The following NFATC1 variants were observed in gnomAD, a reference collection of about 807,000 sequenced individuals.
NFATC1 encodes the protein nuclear factor of activated T-cells, cytoplasmic 1.
Under a neutral mutation model 76.0 loss-of-function variants are expected in NFATC1, and 22 were observed. The observed-to-expected ratio is 0.29, with a 90% CI of 0.21 to 0.41. NFATC1 has a LOEUF of 0.41. Ranked by LOEUF, NFATC1 falls within the 10% of genes least tolerant of loss-of-function variation. The pLI is 1.00. For missense variants in NFATC1, 1,357 were observed against 1,337.7 expected, an observed-to-expected ratio of 1.01 and a Z score of -0.23; for synonymous variants, 704 against 613.1, an observed-to-expected ratio of 1.15 and a Z score of -2.19.
At chr18:79,509,044 C>T (rs766539634) in intron 9 of NFATC1, among the ~76,000 whole-genome samples, 2 of 152,216 alleles carry the variant, frequency 1.3e-5, no homozygotes, top group Non-Finnish European at 2.9e-5. Flanking sequence ...CTTGCAGTGT[C>T]CTGTACGGAG....
intron 8 of NFATC1, among the ~76,000 whole-genome samples, chr18:79,476,148 C>T (rs971465263): frequency 2.0e-5 from 3 of 152,240 alleles, no homozygotes; most frequent in South Asian, 2.1e-4. Flanking sequence ...GCCAGGAAGC[C>T]TGCGCTCTGG....
chr18:79,457,600 T>C (rs1003183115), intron 6 of NFATC1, among the ~76,000 whole-genome samples: 3 of 152,230 alleles, frequency 2.0e-5, no homozygotes, highest in Non-Finnish European at 4.4e-5. Context: ...TCACTCAAAG[T>C]GTATAATTCG....
chr18:79,456,501 T>A, intron 6 of NFATC1, among the ~76,000 whole-genome samples: 1 of 152,212 alleles, frequency 6.6e-6, no homozygotes, highest in East Asian at 1.9e-4. Context: ...GAGGCATCAG[T>A]GCCCGCTGGC....
At chr18:79,458,862 C>T (rs968430588) in intron 6 of NFATC1, among the ~76,000 whole-genome samples, 1 of 152,268 alleles carries the variant, frequency 6.6e-6, no homozygotes, top group Non-Finnish European at 1.5e-5. Context: ...TCAGCAGTCT[C>T]GGCGCTTTGT....
At position 79,439,437 on chromosome 18, in the gene NFATC1, C is replaced by T. The variant is rs189242517; in HGVS notation, c.1386+5699C>T. On this transcript the variant is annotated intron_variant, in intron 3 of 9. Coordinates refer to ENST00000427363, the MANE Select transcript of NFATC1 (RefSeq NM_001278669.2). ...GGTCTGACCACAAAACCACACGCCA[C>T]GGCACCGCTGCTGCCAAATGCCGGA... Among the ~76,000 whole-genome samples the T allele has an allele frequency of 5.2e-3, 793 of 152,292 alleles. 3 individuals are homozygous for T. Among genetic ancestry groups the T allele is most frequent in the Non-Finnish European group, 7.1e-3 (480 of 68,020 alleles).
chr18:79,400,180 G>T (rs2085141106), intron 1 of NFATC1: 4 of 1,134,728 alleles, frequency 3.5e-6, no homozygotes, highest in Admixed American at 4.9e-5. Context: ...TTAAAAACTC[G>T]TGTCCGGGGA....
Position 79,410,737 on chromosome 18 carries a change from G to A in NFATC1, c.462G>A (p.Thr154=), listed in dbSNP as rs372404607. The A allele has an allele frequency of 1.4e-5, 22 of 1,612,772 alleles. No individual in the cohort carries two copies. The highest frequency in any genetic ancestry group is 4.0e-5 in the African/African-American group (3 of 74,882). The change falls in exon 2 of 10, where the codon ACG becomes ACA. Residue 154 remains threonine, a synonymous_variant. Transcript: ENST00000427363. The surrounding 1 kb of genome is among the most constrained non-coding windows in gnomAD (Gnocchi z 6.7). Reference sequence around the variant, plus strand: ...CTAGCTCCAAACGGTCCCCCTCCACGGCCACGCTGAGTCTGCCCAGCCTGG... The same window carrying A: ...CTAGCTCCAAACGGTCCCCCTCCACAGCCACGCTGAGTCTGCCCAGCCTGG... ...VLPSSKRSPS[T]ATLSLPSLEA... is the part of the protein sequence containing the mutation.
intron 1 of NFATC1, among the ~76,000 whole-genome samples, chr18:79,406,436 A>G (rs2085440683): frequency 6.6e-6 from 1 of 152,002 alleles, no homozygotes; most frequent in South Asian, 2.1e-4. Context: ...GGCCCCCGTG[A>G]TCGGATCCAC....
At chr18:79,495,272 G>A (rs1034034367) in intron 9 of NFATC1, among the ~76,000 whole-genome samples, 1 of 152,214 alleles carries the variant, frequency 6.6e-6, no homozygotes, top group African/African-American at 2.4e-5. Flanking sequence ...AGCTGCCCAC[G>A]GGCTGCTCCT....
At chr18:79,442,443 C>T (rs2087018765) in intron 3 of NFATC1, among the ~76,000 whole-genome samples, 1 of 152,240 alleles carries the variant, frequency 6.6e-6, no homozygotes, top group South Asian at 2.1e-4. Context: ...GGGGTTGCCA[C>T]TCAACATCCT....
At chr18:79,486,220 TATTTA>T (rs753967201) in intron 8 of NFATC1, 23 bp from the exon 9 acceptor site, 6 of 1,582,942 alleles carry the variant, frequency 3.8e-6, no homozygotes, top group African/African-American at 1.4e-5. Flanking sequence ...AACTTGTGTT[TATTTA>T]ATTTTTTTTT....
intron 2 of NFATC1, among the ~76,000 whole-genome samples, chr18:79,427,371 G>A (rs563016168): frequency 1.6e-5 from 2 of 123,978 alleles, no homozygotes; most frequent in Non-Finnish European, 3.2e-5. Flanking sequence ...GGTGCTGTAC[G>A]GCTGGCCTCT....
chr18:79,464,077 A>C (rs140966170), intron 7 of NFATC1, among the ~76,000 whole-genome samples: 23 of 152,310 alleles, frequency 1.5e-4, no homozygotes, highest in African/African-American at 5.5e-4. Context: ...CTTCAAGTTT[A>C]CTGGTTGTTT....
intron 8 of NFATC1, among the ~76,000 whole-genome samples, chr18:79,478,585 G>T (rs1219085098): frequency 6.6e-6 from 1 of 152,126 alleles, no homozygotes; most frequent in Admixed American, 6.5e-5. Context: ...CAGGCTTGGG[G>T]GTTCTTTAAG....
rs969688436 is a variant in NFATC1, at chr18:79,486,805, A to G, written c.2650A>G (p.Arg884Gly). ...GCAGCACCTGCCGTCCACGGTCCGC[A>G]GGGACGAGTCTCCGACTGCCGGGCC... ...RPQHLPSTVR[R>G]DESPTAGPRL... The change falls in exon 9 of 10, where the codon AGG (arginine) becomes GGG (glycine). Residue 884 changes from arginine (R) to glycine (G), a missense_variant. This residue lies in a region of NFATC1 where 424 missense variants were observed against 395.4 expected (regional missense o/e 1.07). Coordinates refer to ENST00000427363, the MANE Select transcript of NFATC1 (RefSeq NM_001278669.2). 1 of 1,611,316 alleles carries G rather than the reference A, an allele frequency of 6.2e-7. No homozygotes were observed. The highest frequency in any genetic ancestry group is 8.5e-7 in the Non-Finnish European group (1 of 1,179,278).
At chr18:79,468,031 A>C in intron 8 of NFATC1, 1 of 980,908 alleles carries the variant, frequency 1.0e-6, no homozygotes, top group Non-Finnish European at 1.2e-6. Context: ...AGGATGGTGA[A>C]TGAGCTTTGT....
At chr18:79,449,511 G>A (rs549385888) in intron 4 of NFATC1, among the ~76,000 whole-genome samples, 1 of 152,364 alleles carries the variant, frequency 6.6e-6, no homozygotes, top group East Asian at 1.9e-4. Flanking sequence ...TGCTGGGCAC[G>A]CTGGCCCTAA....
chr18:79,419,531 C>T (rs899688181), intron 2 of NFATC1, among the ~76,000 whole-genome samples: 2 of 144,692 alleles, frequency 1.4e-5, no homozygotes, highest in Middle Eastern at 3.4e-3. Context: ...CTAGGAGGGC[C>T]GGCACCTGCC....
chr18:79,481,105 A>G (rs1430957523), intron 8 of NFATC1, among the ~76,000 whole-genome samples: 1 of 152,226 alleles, frequency 6.6e-6, no homozygotes, highest in Non-Finnish European at 1.5e-5. Context: ...TCAAAGGCGC[A>G]GGCCTGAGTT....
Sources: allele counts gnomAD v4.1 joint callset (sites outside exome capture counted in the v4.1 genomes callset), GRCh38; gene constraint gnomAD v4.1.1; regional missense constraint gnomAD v4.1.1; non-coding constraint Gnocchi (gnomAD v3.1); transcripts MANE v1.5; gene names NCBI Gene and HGNC (gene_info 2026-07-23, HGNC 2026-07-21).